The following CHMP3 variants were observed in gnomAD, a reference collection of about 807,000 sequenced individuals.
CHMP3 encodes charged multivesicular body protein 3.
In CHMP3, 8 loss-of-function variants were observed where a neutral mutation model predicts 27.4. The observed-to-expected ratio is 0.29, with a 90% CI of 0.17 to 0.53. The LOEUF (loss-of-function observed/expected upper bound fraction) is 0.53, where lower values mean the gene tolerates loss of function less well. Ranked by LOEUF, CHMP3 falls within the 20% of genes least tolerant of loss-of-function variation. The probability of loss-of-function intolerance (pLI) is 0.96; values close to 1 mark genes in which losing one functional copy is unlikely to be tolerated. For synonymous variants in CHMP3, 86 were observed against 85.5 expected, an observed-to-expected ratio of 1.01 and a Z score of -0.03; for missense variants, 208 against 271.5, an observed-to-expected ratio of 0.77 and a Z score of 1.64.
chr2:86,507,527 C>T lies in CHMP3; in HGVS notation c.475G>A (p.Glu159Lys). ...CTGTCAATTTCCATTTCTGCTTCTT[C>T]CTCCATTTCTTCCTGATCGTCCATG... The part of the protein sequence containing the change: ...ESMDDQEEME[E>K]EAEMEIDRIL... Residue 159 changes from glutamate (E) to lysine (K), a missense_variant, in exon 5 of 6, where the codon GAA becomes AAA. Glu to Lys is a moderately conservative substitution (Grantham distance 56). This residue lies in a region of CHMP3 where 94 missense variants were observed against 159.6 expected (regional missense o/e 0.59). Coordinates refer to ENST00000263856, the MANE Select transcript of CHMP3 (RefSeq NM_016079.4). 6.2e-7 allele frequency: 1 copy of T among 1,614,164 alleles called. No homozygotes were observed. Among genetic ancestry groups the T allele is most frequent in the Non-Finnish European group, 8.5e-7 (1 of 1,180,016 alleles).
chr2:86,552,366 C>T (rs942683057), intron 1 of CHMP3, among the ~76,000 whole-genome samples: 5 of 152,102 alleles, frequency 3.3e-5, no homozygotes, highest in Non-Finnish European at 7.4e-5. Flanking sequence ...TCAAGGTAAC[C>T]AAATAGCCCC....
Position 86,553,301 on chromosome 2 carries a change from C to G in CHMP3, c.45+10003G>C, listed in dbSNP as rs372548201. On this transcript the variant is annotated intron_variant, in intron 1 of 5. Transcript: ENST00000263856. ...TCTATTTTACAAACGAGTCTTTATT[C>G]TTACAATGCTATAAGTAGAAAGCAG... Among the ~76,000 whole-genome samples the G allele has an allele frequency of 4.0e-5, 6 of 151,574 alleles. No homozygotes were observed. In the South Asian group the frequency reaches 6.3e-4, roughly 16 times the overall value.
intron 3 of CHMP3, among the ~76,000 whole-genome samples, chr2:86,512,942 C>T (rs1056443388): frequency 6.6e-6 from 1 of 152,338 alleles, no homozygotes; most frequent in Admixed American, 6.5e-5. Flanking sequence ...CAAAATGGTA[C>T]AGCCACTTTG....
chr2:86,554,137 A>C (rs1466701753), intron 1 of CHMP3, among the ~76,000 whole-genome samples: 3 of 152,112 alleles, frequency 2.0e-5, no homozygotes, highest in Non-Finnish European at 2.9e-5. Flanking sequence ...CCATCTATGA[A>C]CCAAAAAGCA....
chr2:86,520,769 G>C (rs1272224081), intron 3 of CHMP3, among the ~76,000 whole-genome samples: 1 of 152,132 alleles, frequency 6.6e-6, no homozygotes, highest in African/African-American at 2.4e-5. Flanking sequence ...AAGGTAGCTA[G>C]GTGGATGTAC....
chr2:86,538,145 T>C (rs543619988), intron 2 of CHMP3, among the ~76,000 whole-genome samples: 1 of 152,308 alleles, frequency 6.6e-6, no homozygotes, highest in African/African-American at 2.4e-5. Context: ...AAAAACATTA[T>C]GTTAAGTGAA....
chr2:86,529,081 C>A, intron 3 of CHMP3, 137 bp downstream of exon 3: 1 of 890,898 alleles, frequency 1.1e-6, no homozygotes, highest in Non-Finnish European at 1.6e-6. Context: ...TTATATTTTG[C>A]ATTTCTACAA....
At chr2:86,530,805 A>G (rs1372832582) in intron 2 of CHMP3, among the ~76,000 whole-genome samples, 1 of 152,198 alleles carries the variant, frequency 6.6e-6, no homozygotes, top group African/African-American at 2.4e-5. Context: ...CAAAGTTCCA[A>G]TTTTACCACA....
chr2:86,515,808 T>A (rs572255061), intron 3 of CHMP3, among the ~76,000 whole-genome samples: 1 of 152,306 alleles, frequency 6.6e-6, no homozygotes, highest in Non-Finnish European at 1.5e-5. Context: ...CAGAAATATG[T>A]TTTCTCTTTT....
intron 1 of CHMP3, among the ~76,000 whole-genome samples, chr2:86,560,648 T>A (rs999657720): frequency 6.0e-5 from 9 of 151,242 alleles, no homozygotes; most frequent in Non-Finnish European, 1.3e-4. Context: ...ACAGCACGTG[T>A]ATATATGTAA....
chr2:86,512,527 G>A (rs1237454556), intron 3 of CHMP3: 2 of 152,094 alleles, frequency 1.3e-5, no homozygotes, highest in African/African-American at 4.8e-5. Context: ...ACGAAAAAAG[G>A]TGTGGCAGGT....
At chr2:86,526,618 A>G (rs942268494) in intron 3 of CHMP3, among the ~76,000 whole-genome samples, 3 of 152,108 alleles carry the variant, frequency 2.0e-5, no homozygotes, top group African/African-American at 7.2e-5. Context: ...GTGATACATC[A>G]ATGTAATTTC....
chr2:86,509,805 G>C (rs1328645944), intron 4 of CHMP3, among the ~76,000 whole-genome samples: 1 of 152,246 alleles, frequency 6.6e-6, no homozygotes, highest in Non-Finnish European at 1.5e-5. Flanking sequence ...CAGACTAGGA[G>C]ATAGGACAGT....
chr2:86,538,545 C>T (rs1311763065), intron 2 of CHMP3, among the ~76,000 whole-genome samples: 1 of 152,000 alleles, frequency 6.6e-6, no homozygotes, highest in Non-Finnish European at 1.5e-5. Context: ...GGATGATCAC[C>T]AAAGTGTTTG....
chr2:86,529,695 C>T (rs2103946037), intron 2 of CHMP3, among the ~76,000 whole-genome samples: 1 of 152,174 alleles, frequency 6.6e-6, no homozygotes, highest in Non-Finnish European at 1.5e-5. Flanking sequence ...CTCCAATAAT[C>T]AATAAGTAGT....
intron 1 of CHMP3, among the ~76,000 whole-genome samples, chr2:86,556,750 AGC>A (rs1482872380): frequency 3.9e-5 from 6 of 152,184 alleles, no homozygotes; most frequent in African/African-American, 1.4e-4. Flanking sequence ...AAATACTCGC[AGC>A]GCCGGCTTGT....
chr2:86,511,869 T>C (rs1675120380), intron 3 of CHMP3: 1 of 152,130 alleles, frequency 6.6e-6, no homozygotes, highest in Non-Finnish European at 1.5e-5. Context: ...TGGAAAAAAC[T>C]GTGACTAGAG....
intron 1 of CHMP3, among the ~76,000 whole-genome samples, chr2:86,549,685 G>C (rs187319513): frequency 7.0e-6 from 1 of 142,572 alleles, no homozygotes; most frequent in Admixed American, 6.9e-5. Context: ...GGTGGCGGCC[G>C]GGCAGAGACG....
Position 86,510,419 on chromosome 2 carries a change from CTT to C in CHMP3, c.345_346del (p.Leu117CysfsTer32). The C allele has an allele frequency of 6.2e-7, 1 of 1,614,108 alleles. No individual in the cohort carries two copies. ...CTGAATCTCTGGAATCTTCACAAGACTTTGCATGGCCTTCATCACTTCTGTGC... is the reference window on the plus strand; with the variant it reads ...CTGAATCTCTGGAATCTTCACAAGACTGCATGGCCTTCATCACTTCTGTGC... On this transcript the variant is annotated frameshift_variant, in exon 4 of 6. Coordinates refer to ENST00000263856, the MANE Select transcript of CHMP3 (RefSeq NM_016079.4). LOFTEE classifies it high-confidence loss of function.
Sources: gnomAD v4.1 joint callset for allele counts (sites outside exome capture counted in the v4.1 genomes callset) on GRCh38, gnomAD v4.1.1 for gene constraint, gnomAD v4.1.1 regional missense constraint, MANE v1.5 for transcripts, NCBI Gene and HGNC (gene_info 2026-07-23, HGNC 2026-07-21) for gene names.